DNAJA3: variants seen among roughly 807,000 people sequenced by gnomAD.
The protein encoded by DNAJA3 is DnaJ heat shock protein family (Hsp40) member A3.
A neutral mutation model predicts 54.9 loss-of-function variants in DNAJA3; 29 were observed. The ratio of observed to expected loss-of-function variants is 0.53; its 90% CI spans 0.39 to 0.72. DNAJA3 has a LOEUF of 0.72. Ranked by LOEUF, DNAJA3 falls within the 30% of genes least tolerant of loss-of-function variation. DNAJA3 has a pLI of 0.00. For missense variants in DNAJA3, 708 were observed against 639.4 expected (o/e 1.11, Z -1.16); for synonymous variants, 302 against 251.4 (o/e 1.20, Z -1.90).
intron 1 of DNAJA3, among the ~76,000 whole-genome samples, chr16:4,426,671 G>T (rs1373523116): frequency 6.6e-6 from 1 of 152,224 alleles, no homozygotes; most frequent in Non-Finnish European, 1.5e-5. Flanking sequence ...GAAGTCTTTA[G>T]TTGGTGATTG....
In DNAJA3 at chr16:4,426,048, G is replaced by A. The variant is rs2056617945; in HGVS notation, c.167G>A (p.Gly56Asp). 2 of 1,604,176 alleles carry A rather than the reference G, an allele frequency of 1.2e-6. No homozygotes were observed. The highest frequency in any genetic ancestry group is 1.4e-5 in the African/African-American group (1 of 73,692). Residue 56 changes from glycine to aspartate, a missense_variant, in exon 1 of 12, where the codon GGC becomes GAC. By Grantham distance (94) the Gly-to-Asp change is moderately conservative. Transcript: ENST00000262375. Reference protein sequence around the residue: ...PAFASSLTSCGPRALLTLRPG... With the variant: ...PAFASSLTSCDPRALLTLRPG... Reference sequence around the variant, plus strand: ...TTTGCGTCTTCCCTGACCTCTTGCGGCCCCCGAGCGCTGCTGACATTGAGA... The same window carrying A: ...TTTGCGTCTTCCCTGACCTCTTGCGACCCCCGAGCGCTGCTGACATTGAGA...
At chr16:4,433,811 G>A (rs527857406) in intron 1 of DNAJA3, 4 of 153,132 alleles carry the variant, frequency 2.6e-5, no homozygotes, top group African/African-American at 7.2e-5. Flanking sequence ...AGTAGTATAA[G>A]CGAGGAGAAT....
intron 8 of DNAJA3, chr16:4,447,257 G>T: frequency 2.0e-6 from 1 of 500,886 alleles, no homozygotes; most frequent in Non-Finnish European, 3.6e-6. Context: ...GGTTAGCGGG[G>T]CCTGGGAACT....
chr16:4,452,178 A>G (rs977205537), intron 10 of DNAJA3, among the ~76,000 whole-genome samples: 2 of 152,182 alleles, frequency 1.3e-5, no homozygotes, highest in Non-Finnish European at 2.9e-5. Flanking sequence ...TATGTATACT[A>G]TCTTTTGTTC....
chr16:4,439,100 C>T (rs1480704589), intron 3 of DNAJA3, among the ~76,000 whole-genome samples: 1 of 151,450 alleles, frequency 6.6e-6, no homozygotes, highest in Non-Finnish European at 1.5e-5. Flanking sequence ...AATCCCAGCA[C>T]TTTGGGAGGC....
Position 4,426,087 on chromosome 16 carries a change from T to C in DNAJA3, c.206T>C (p.Leu69Pro). 1 of 1,590,638 alleles carries C rather than the reference T, an allele frequency of 6.3e-7. No individual in the cohort carries two copies. The highest frequency in any genetic ancestry group is 8.6e-7 in the Non-Finnish European group (1 of 1,168,304). The change falls in exon 1 of 12, where the codon CTT becomes CCT. Residue 69 changes from leucine (L) to proline (P), a missense_variant. Leu to Pro is a moderately conservative substitution (Grantham distance 98, BLOSUM62 -3). Transcript: ENST00000262375. ...CTGACATTGAGACCTGGTGTCAGCC[T>C]TACAGGTGAGGGCAGGTTCCAACTT... ...ALLTLRPGVS[L>P]TGTKHNPFIC...
chr16:4,450,553 T>C, intron 10 of DNAJA3, 56 bp downstream of exon 10: 1 of 1,351,174 alleles, frequency 7.4e-7, no homozygotes. Flanking sequence ...CCCCCCAGGG[T>C]ATGGACAATT....
At chr16:4,446,642 G>C (rs566331984) in intron 7 of DNAJA3, among the ~76,000 whole-genome samples, 1 of 152,304 alleles carries the variant, frequency 6.6e-6, no homozygotes, top group South Asian at 2.1e-4. Context: ...ATCCAGGCAC[G>C]CTTCCATTTC....
intron 3 of DNAJA3, chr16:4,437,718 C>A: frequency 4.5e-6 from 2 of 440,428 alleles, no homozygotes; most frequent in South Asian, 8.7e-5. Flanking sequence ...GATCACTTGA[C>A]CTCAGGAGTT....
At position 4,429,135 on chromosome 16, in the gene DNAJA3, C is replaced by T. The variant is rs561570003; in HGVS notation, c.211+3043C>T. Reference sequence around the variant, plus strand: ...ATCTCCTGACCTCGTGATCCACCCGCCTCCGCCTCCCAAAGTGCTGGGATT... The same window carrying T: ...ATCTCCTGACCTCGTGATCCACCCGTCTCCGCCTCCCAAAGTGCTGGGATT... On this transcript the variant is annotated intron_variant, in intron 1 of 11. Coordinates refer to ENST00000262375, the MANE Select transcript of DNAJA3 (RefSeq NM_005147.6). 2.0e-5 allele frequency among the ~76,000 whole-genome samples: 3 copies of T among 152,064 alleles called. No homozygotes were observed. In the South Asian group the frequency reaches 6.2e-4, roughly 32 times the overall value.
intron 3 of DNAJA3, 78 bp from the exon 4 acceptor site, chr16:4,441,297 T>A: frequency 7.4e-7 from 1 of 1,353,822 alleles, no homozygotes; most frequent in Non-Finnish European, 1.0e-6. Context: ...ATGGCTGCCT[T>A]ATTTGCTGTG....
At chr16:4,429,953 T>C (rs1171332746) in intron 1 of DNAJA3, among the ~76,000 whole-genome samples, 1 of 151,724 alleles carries the variant, frequency 6.6e-6, no homozygotes, top group African/African-American at 2.4e-5. Flanking sequence ...GCCATGATGA[T>C]GCCACTGCAC....
chr16:4,436,271 A>C (rs2056771125), intron 2 of DNAJA3, among the ~76,000 whole-genome samples: 1 of 152,202 alleles, frequency 6.6e-6, no homozygotes, highest in African/African-American at 2.4e-5. Context: ...TCCTGAGCTC[A>C]AGAGTCAGGT....
rs751958918 is a variant in DNAJA3 at position 4,447,018 on chromosome 16, A to T, written c.1125+4A>T. The T allele has an allele frequency of 6.2e-7, 1 of 1,612,270 alleles. No individual in the cohort carries two copies. The highest frequency in any genetic ancestry group is 1.3e-5 in the African/African-American group (1 of 74,942). On this transcript the variant is annotated splice_donor_region_variant and intron_variant, in intron 8 of 11. Transcript: ENST00000262375. ...GTACGAGACGATCAACGTGACGGTA[A>T]GAGGGTGTGAGAACACCTTTGTCAC...
At position 4,434,886 on chromosome 16, in the gene DNAJA3, C is replaced by CTTTTTTTT. The variant is rs202179531; in HGVS notation, c.345+390_345+397dup. ...GGTTTAGAATTACTTCCTTTCCTTT[C>CTTTTTTTT]TTTTTTTTTTTTTTTTTTTTTTTTT... is the stretch of plus-strand genomic sequence containing the variant. On this transcript the variant is annotated intron_variant, in intron 2 of 11. Coordinates refer to ENST00000262375, the MANE Select transcript of DNAJA3 (RefSeq NM_005147.6). Among the ~76,000 whole-genome samples the CTTTTTTTT allele has an allele frequency of 1.3e-3, 132 of 100,160 alleles. 8 individuals carry two copies. The highest frequency in any genetic ancestry group is 5.3e-3 in the Middle Eastern group (1 of 188). The allele number at this position is 100,160 out of a possible 152,430, so 65.7% of individuals were successfully genotyped here. A position where few individuals can be genotyped will look rare whatever the true frequency, so the allele number is the denominator to read the frequency against.
intron 4 of DNAJA3, 103 bp from the exon 5 acceptor site, chr16:4,442,165 G>C (rs183464468): frequency 8.1e-7 from 1 of 1,239,782 alleles, no homozygotes; most frequent in East Asian, 2.6e-5. Flanking sequence ...TGGTGAAAGA[G>C]TGACTGAAAA....
At chr16:4,444,161 T>A (rs2056873377) in intron 6 of DNAJA3, among the ~76,000 whole-genome samples, 1 of 152,116 alleles carries the variant, frequency 6.6e-6, no homozygotes, top group African/African-American at 2.4e-5. Flanking sequence ...AGGTGCTCAG[T>A]CATCAGGTGT....
Position 4,444,152 on chromosome 16 carries a change from G to A in DNAJA3, c.932-512G>A, listed in dbSNP as rs11649500. On this transcript the variant is annotated intron_variant, in intron 6 of 11. Coordinates refer to ENST00000262375, the MANE Select transcript of DNAJA3 (RefSeq NM_005147.6). ...TACTGCCTAGACCAAGCCTGAGGCA[G>A]GTGCTCAGTCATCAGGTGTCTGTGT... Among the ~76,000 whole-genome samples the A allele has an allele frequency of 2.0e-5, 3 of 152,252 alleles. No homozygotes were observed. The South Asian group carries it at 6.2e-4, about 32-fold the overall frequency.
At chr16:4,434,093 G>T in intron 1 of DNAJA3, 1 of 339,644 alleles carries the variant, frequency 2.9e-6, no homozygotes, top group Non-Finnish European at 5.4e-6. Context: ...CAGGAAGAAT[G>T]AGCAAAAGGG....
Sources: gnomAD v4.1 joint callset for allele counts (sites outside exome capture counted in the v4.1 genomes callset) on GRCh38, gnomAD v4.1.1 for gene constraint, MANE v1.5 for transcripts, NCBI Gene and HGNC (gene_info 2026-07-23, HGNC 2026-07-21) for gene names.